CCSER1: variants seen among roughly 807,000 people sequenced by gnomAD.
The protein encoded by CCSER1 is serine-rich coiled-coil domain-containing protein 1.
Under a neutral mutation model 82.0 loss-of-function variants are expected in CCSER1, and 41 were observed. The observed-to-expected ratio is 0.50, with a 90% confidence interval of 0.39 to 0.65. CCSER1 has a LOEUF of 0.65. Ranked by LOEUF, CCSER1 falls within the 30% of genes least tolerant of loss-of-function variation. CCSER1 has a pLI of 0.00. For missense variants in CCSER1, 1,119 were observed against 1,064.2 expected, an observed-to-expected ratio of 1.05 and a Z score of -0.72; for synonymous variants, 414 against 383.9, an observed-to-expected ratio of 1.08 and a Z score of -0.92.
chr4:90,838,391 C>G (rs1412467429), intron 8 of CCSER1, among the ~76,000 whole-genome samples: 3 of 151,312 alleles, frequency 2.0e-5, no homozygotes, highest in African/African-American at 2.4e-5. Context: ...GAACTGTTTT[C>G]TACTGTTATG....
intron 4 of CCSER1, among the ~76,000 whole-genome samples, chr4:90,407,126 C>T (rs1753849669): frequency 6.6e-6 from 1 of 151,950 alleles, no homozygotes. Context: ...CGAGATTAAC[C>T]TAGAAAAGAA....
chr4:91,025,733 C>G (rs1740432521), intron 9 of CCSER1, among the ~76,000 whole-genome samples: 1 of 152,140 alleles, frequency 6.6e-6, no homozygotes, highest in Non-Finnish European at 1.5e-5. Context: ...CTGTGCCACA[C>G]TGTTGCAGTG....
At chr4:90,385,026 T>TC (rs1749795803) in intron 3 of CCSER1, among the ~76,000 whole-genome samples, 1 of 152,198 alleles carries the variant, frequency 6.6e-6, no homozygotes, top group African/African-American at 2.4e-5. Context: ...GATAGTGGCC[T>TC]CCATTTCTAT....
intron 4 of CCSER1, among the ~76,000 whole-genome samples, chr4:90,450,588 G>C (rs532212717): frequency 2.8e-4 from 42 of 152,226 alleles, no homozygotes; most frequent in Admixed American, 6.5e-4. Context: ...CTGGTACTTC[G>C]GGTGCTCTCT....
intron 5 of CCSER1, among the ~76,000 whole-genome samples, chr4:90,607,664 T>C (rs1314791871): frequency 6.6e-6 from 1 of 152,226 alleles, no homozygotes; most frequent in African/African-American, 2.4e-5. Context: ...TTCTCTGTGT[T>C]GACCTTATCT....
chr4:91,040,697 C>G (rs1411013448), intron 9 of CCSER1, among the ~76,000 whole-genome samples: 2 of 152,094 alleles, frequency 1.3e-5, no homozygotes, highest in East Asian at 1.9e-4. Context: ...GATTTTCAAA[C>G]AGGAAACCAA....
intron 10 of CCSER1, among the ~76,000 whole-genome samples, chr4:91,296,596 A>C (rs1370308125): frequency 6.7e-6 from 1 of 148,764 alleles, no homozygotes; most frequent in African/African-American, 2.5e-5. Context: ...AGTTATGTGT[A>C]TAATAGTTGA....
intron 10 of CCSER1, among the ~76,000 whole-genome samples, chr4:91,525,142 A>G (rs895553135): frequency 9.9e-5 from 15 of 152,114 alleles, no homozygotes; most frequent in Non-Finnish European, 1.5e-5. Flanking sequence ...CAGGTTTAAG[A>G]TAGTTGAGGC....
chr4:91,371,587 C>CT (rs1750055080), intron 10 of CCSER1, among the ~76,000 whole-genome samples: 1 of 152,102 alleles, frequency 6.6e-6, no homozygotes, highest in Non-Finnish European at 1.5e-5. Flanking sequence ...TTCATGGACA[C>CT]TTAGATTGCT....
chr4:91,545,857 G>C (rs1761863243), intron 10 of CCSER1, among the ~76,000 whole-genome samples: 1 of 152,026 alleles, frequency 6.6e-6, no homozygotes, highest in Non-Finnish European at 1.5e-5. Context: ...TTCTAAGCTT[G>C]TTCTTTATCT....
chr4:91,149,449 G>T (rs1050561565), intron 10 of CCSER1, among the ~76,000 whole-genome samples: 54 of 152,290 alleles, frequency 3.5e-4, no homozygotes, highest in African/African-American at 1.3e-3. Flanking sequence ...TCTGATGGTA[G>T]TTTCTTTTGC....
Position 91,536,476 on chromosome 4 carries a change from T to G in CCSER1, c.2218-62096T>G, listed in dbSNP as rs569011099. Among the ~76,000 whole-genome samples, 3 of 152,218 alleles carry G rather than the reference T, an allele frequency of 2.0e-5. No homozygotes were observed. The South Asian group carries it at 6.2e-4, about 32-fold the overall frequency. On this transcript the variant is annotated intron_variant, in intron 10 of 10. Coordinates refer to ENST00000509176, the MANE Select transcript of CCSER1 (RefSeq NM_001145065.2). The stretch of plus-strand genomic sequence containing the variant: ...GTCTCTACCTTTTTCTACCCTGCTT[T>G]GCTCCCTAGGAATTTGAATTATATT...
chr4:90,153,889 C>A (rs1006945790), intron 1 of CCSER1, among the ~76,000 whole-genome samples: 1 of 152,088 alleles, frequency 6.6e-6, no homozygotes, highest in African/African-American at 2.4e-5. Flanking sequence ...TAATTAGATC[C>A]CATTTGTCAA....
At chr4:91,127,546 G>A (rs1727625832) in intron 10 of CCSER1, among the ~76,000 whole-genome samples, 1 of 151,956 alleles carries the variant, frequency 6.6e-6, no homozygotes, top group Non-Finnish European at 1.5e-5. Flanking sequence ...TCTATGAATT[G>A]GAGATTTTGA....
At chr4:90,668,174 T>C (rs1052264510) in intron 6 of CCSER1, among the ~76,000 whole-genome samples, 1 of 152,222 alleles carries the variant, frequency 6.6e-6, no homozygotes, top group African/African-American at 2.4e-5. Flanking sequence ...TCTTGAGAAA[T>C]GTATCTGTCG....
At chr4:91,142,248 G>A (rs777345157) in intron 10 of CCSER1, among the ~76,000 whole-genome samples, 15 of 152,218 alleles carry the variant, frequency 9.9e-5, no homozygotes, top group Non-Finnish European at 1.0e-4. Flanking sequence ...GAGTTCCCCT[G>A]AACAAGCTCT....
intron 1 of CCSER1, among the ~76,000 whole-genome samples, chr4:90,172,115 A>T (rs1731813396): frequency 6.6e-6 from 1 of 151,938 alleles, no homozygotes; most frequent in Admixed American, 6.6e-5. Flanking sequence ...TGCTCATGTC[A>T]AATCCGCTGG....
intron 3 of CCSER1, among the ~76,000 whole-genome samples, chr4:90,325,278 G>A (rs1737955412): frequency 6.6e-6 from 1 of 152,128 alleles, no homozygotes; most frequent in Non-Finnish European, 1.5e-5. Context: ...AAATATGTAT[G>A]TTAGAATAAA....
At chr4:90,954,661 T>C (rs914842427) in intron 9 of CCSER1, among the ~76,000 whole-genome samples, 1 of 152,144 alleles carries the variant, frequency 6.6e-6, no homozygotes, top group African/African-American at 2.4e-5. Flanking sequence ...TGAAAACAAA[T>C]GATGCATAGG....
Sources: gnomAD v4.1 joint callset for allele counts (sites outside exome capture counted in the v4.1 genomes callset) on GRCh38, gnomAD v4.1.1 for gene constraint, MANE v1.5 for transcripts, NCBI Gene and HGNC (gene_info 2026-07-23, HGNC 2026-07-21) for gene names.